EPHA5: variants seen among roughly 807,000 people sequenced by gnomAD.
EPHA5 encodes ephrin type-A receptor 5.
EPHA5 carries 60 observed loss-of-function variants against 105.0 expected under a neutral mutation model. The observed-to-expected ratio is 0.57, with a 90% CI of 0.46 to 0.71. The LOEUF is 0.71. Ranked by LOEUF, EPHA5 falls within the 30% of genes least tolerant of loss-of-function variation. The pLI is 0.00. For synonymous variants in EPHA5, 513 were observed against 449.1 expected (o/e 1.14, Z -1.80); for missense variants, 1,218 against 1,274.7 (o/e 0.96, Z 0.68).
intron 3 of EPHA5, among the ~76,000 whole-genome samples, chr4:65,552,067 G>A (rs1364322772): frequency 1.3e-5 from 2 of 152,090 alleles, no homozygotes; most frequent in Admixed American, 6.6e-5. Context: ...GTGATAGCAC[G>A]TTTTCATTCA....
At chr4:65,530,114 T>C (rs1397708255) in intron 3 of EPHA5, among the ~76,000 whole-genome samples, 2 of 152,258 alleles carry the variant, frequency 1.3e-5, no homozygotes, top group Admixed American at 6.5e-5. Flanking sequence ...CACAGATGTC[T>C]TAAAAATAGG....
chr4:65,412,093 T>C (rs1367563859), intron 7 of EPHA5, among the ~76,000 whole-genome samples: 1 of 152,048 alleles, frequency 6.6e-6, no homozygotes, highest in Non-Finnish European at 1.5e-5. Flanking sequence ...CCAGGCGTGG[T>C]GGTGCATGCC....
At chr4:65,532,264 C>G (rs766188577) in intron 3 of EPHA5, among the ~76,000 whole-genome samples, 7 of 152,020 alleles carry the variant, frequency 4.6e-5, no homozygotes, top group Non-Finnish European at 8.8e-5. Flanking sequence ...TTTAATGTGA[C>G]TTTTAAAATC....
At chr4:65,478,475 T>C (rs886858499) in intron 5 of EPHA5, among the ~76,000 whole-genome samples, 3 of 152,184 alleles carry the variant, frequency 2.0e-5, no homozygotes, top group African/African-American at 7.2e-5. Flanking sequence ...GATACTGTTA[T>C]GCTCTTTTTT....
At chr4:65,562,302 C>T (rs1331525753) in intron 3 of EPHA5, among the ~76,000 whole-genome samples, 2 of 151,860 alleles carry the variant, frequency 1.3e-5, no homozygotes, top group Non-Finnish European at 2.9e-5. Flanking sequence ...ACTAAGTAAC[C>T]AAAGTTTAGA....
chr4:65,500,789 A>G (rs1732409011), intron 3 of EPHA5, among the ~76,000 whole-genome samples: 1 of 145,186 alleles, frequency 6.9e-6, no homozygotes, highest in African/African-American at 2.5e-5. Flanking sequence ...ACTTCTTTCC[A>G]TTACAATTAA....
chr4:65,609,929 C>T (rs1038205134), intron 2 of EPHA5, among the ~76,000 whole-genome samples: 11 of 151,826 alleles, frequency 7.2e-5, no homozygotes, highest in Admixed American at 2.0e-4. Context: ...TATTGCTATT[C>T]TACTTTTAAT....
intron 8 of EPHA5, among the ~76,000 whole-genome samples, chr4:65,386,591 G>A (rs945641535): frequency 6.6e-6 from 1 of 151,826 alleles, no homozygotes; most frequent in African/African-American, 2.4e-5. Flanking sequence ...TACACACACA[G>A]AGAGAGCAAA....
chr4:65,602,949 A>G lies in EPHA5; in HGVS notation c.247-645T>C, dbSNP rs532591419. On this transcript the variant is annotated intron_variant, in intron 2 of 16. Coordinates refer to ENST00000613740, the MANE Select transcript of EPHA5 (RefSeq NM_001281766.3). ...ATTGGCTAGCTAAATATTAATTCAT[A>G]GATTTATCTACATATATAAACATGG... Among the ~76,000 whole-genome samples the G allele has an allele frequency of 8.5e-5, 13 of 152,262 alleles. No homozygotes were observed. The South Asian group carries it at 2.7e-3, about 32-fold the overall frequency.
At chr4:65,500,021 A>G (rs956084625) in intron 3 of EPHA5, among the ~76,000 whole-genome samples, 5 of 151,332 alleles carry the variant, frequency 3.3e-5, no homozygotes, top group Middle Eastern at 3.2e-3. Flanking sequence ...AGTGTATTTC[A>G]TGGGTGGAAT....
intron 3 of EPHA5, among the ~76,000 whole-genome samples, chr4:65,513,037 G>A (rs999233319): frequency 2.6e-5 from 4 of 152,210 alleles, no homozygotes; most frequent in Non-Finnish European, 5.9e-5. Flanking sequence ...TGTAGAGAAA[G>A]AGGGAATCTC....
chr4:65,341,636 C>T (rs1003088591), intron 14 of EPHA5, among the ~76,000 whole-genome samples: 1 of 150,982 alleles, frequency 6.6e-6, no homozygotes, highest in African/African-American at 2.4e-5. Flanking sequence ...ATCTCTCTCT[C>T]CAGAATTACA....
At chr4:65,566,501 G>T (rs527779051) in intron 3 of EPHA5, among the ~76,000 whole-genome samples, 1 of 151,506 alleles carries the variant, frequency 6.6e-6, no homozygotes, top group Non-Finnish European at 1.5e-5. Context: ...TCAATTTCAC[G>T]CCCTTTCTTC....
chr4:65,362,809 A>G (rs1344572564), intron 11 of EPHA5, among the ~76,000 whole-genome samples: 2 of 151,712 alleles, frequency 1.3e-5, no homozygotes, highest in Non-Finnish European at 3.0e-5. Context: ...TGTAAAATAT[A>G]ATATGTTTAC....
intron 5 of EPHA5, among the ~76,000 whole-genome samples, chr4:65,451,788 C>T (rs1374360869): frequency 1.3e-5 from 2 of 151,986 alleles, no homozygotes. Context: ...GATATGTTTA[C>T]GAATGATTGT....
chr4:65,385,667 T>C (rs1720006768), intron 8 of EPHA5, among the ~76,000 whole-genome samples: 2 of 151,874 alleles, frequency 1.3e-5, no homozygotes, highest in African/African-American at 2.4e-5. Context: ...ATTTAATACA[T>C]TGTATACATA....
intron 5 of EPHA5, among the ~76,000 whole-genome samples, chr4:65,472,196 T>G (rs1181096155): frequency 1.3e-5 from 2 of 152,100 alleles, no homozygotes; most frequent in African/African-American, 4.8e-5. Flanking sequence ...CATCAAATCT[T>G]AAAGCTACAA....
At chr4:65,499,505 A>G (rs763640034) in intron 3 of EPHA5, among the ~76,000 whole-genome samples, 2 of 151,404 alleles carry the variant, frequency 1.3e-5, no homozygotes, top group African/African-American at 2.4e-5. Context: ...TCACATGATG[A>G]CTCACTCCAC....
chr4:65,532,909 C>T (rs984591030), intron 3 of EPHA5, among the ~76,000 whole-genome samples: 1 of 152,078 alleles, frequency 6.6e-6, no homozygotes, highest in Non-Finnish European at 1.5e-5. Flanking sequence ...ACAGTTCATT[C>T]GCTCCAATTT....
Sources: gnomAD v4.1 joint callset for allele counts (sites outside exome capture counted in the v4.1 genomes callset) on GRCh38, gnomAD v4.1.1 for gene constraint, MANE v1.5 for transcripts, NCBI Gene and HGNC (gene_info 2026-07-23, HGNC 2026-07-21) for gene names.